PCDHA8: variants seen among roughly 807,000 people sequenced by gnomAD.
PCDHA8 encodes the protein protocadherin alpha 8.
PCDHA8 carries 53 observed loss-of-function variants against 61.8 expected under a neutral mutation model. The observed-to-expected ratio is 0.86, with a 90% CI of 0.69 to 1.08. The LOEUF is 1.08. Ranked by LOEUF, PCDHA8 falls within the 50% of genes least tolerant of loss-of-function variation. The probability of loss-of-function intolerance (pLI) is 0.00; values close to 1 mark genes in which losing one functional copy is unlikely to be tolerated. For missense variants in PCDHA8, 1,293 were observed against 1,245.0 expected (o/e 1.04, Z -0.58); for synonymous variants, 618 against 556.6 (o/e 1.11, Z -1.55).
At chr5:140,897,419 A>G (rs1329501260) in intron 1 of PCDHA8, among the ~76,000 whole-genome samples, 2 of 141,212 alleles carry the variant, frequency 1.4e-5, no homozygotes, top group East Asian at 4.3e-4. Flanking sequence ...ATTCCCATCT[A>G]TGAGTGAGAA....
At position 140,843,610 on chromosome 5, in the gene PCDHA8, G is replaced by A. The variant is rs1554140251; in HGVS notation, c.2289G>A (p.Gly763=). 2 of 1,595,980 alleles carry A rather than the reference G, an allele frequency of 1.3e-6. No individual in the cohort carries two copies. Among genetic ancestry groups the A allele is most frequent in the South Asian group, 1.1e-5 (1 of 90,502 alleles). Residue 763 remains glycine (G), a synonymous_variant, in exon 1 of 4, where the codon GGG becomes GGA. Coordinates refer to ENST00000531613, the MANE Select transcript of PCDHA8 (RefSeq NM_018911.3). Reference sequence around the variant, plus strand: ...CGCAGAGGGTGTGCTCTGGTGAGGGGCCACCGAAGACGGACCTCATGGCCT... The same window carrying A: ...CGCAGAGGGTGTGCTCTGGTGAGGGACCACCGAAGACGGACCTCATGGCCT... The part of the protein sequence containing the change: ...QQPQRVCSGE[G]PPKTDLMAFS...
intron 1 of PCDHA8, among the ~76,000 whole-genome samples, chr5:140,906,616 T>G (rs1339811951): frequency 6.6e-6 from 1 of 152,228 alleles, no homozygotes. Flanking sequence ...GTATTCCCTT[T>G]GCCTTCAGCA....
chr5:140,893,795 C>T (rs1030354295), intron 1 of PCDHA8, among the ~76,000 whole-genome samples: 34 of 152,002 alleles, frequency 2.2e-4, no homozygotes, highest in African/African-American at 7.7e-4. Context: ...TTAGAATTCC[C>T]TCCTTGTCTT....
chr5:140,980,873 T>C (rs1586863406), intron 2 of PCDHA8, among the ~76,000 whole-genome samples: 1 of 152,338 alleles, frequency 6.6e-6, no homozygotes, highest in East Asian at 1.9e-4. Context: ...TGCTTGGGTG[T>C]TCTCGGTCTT....
chr5:140,859,865 C>T (rs2046056665), intron 1 of PCDHA8: 1 of 151,972 alleles, frequency 6.6e-6, no homozygotes, highest in African/African-American at 2.4e-5. Context: ...GAAATATATA[C>T]TTCCCCCTCT....
At chr5:140,928,529 T>C in intron 1 of PCDHA8, 7 of 1,614,226 alleles carry the variant, frequency 4.3e-6, no homozygotes, top group Non-Finnish European at 4.2e-6. Flanking sequence ...TTGTTTGTGG[T>C]AGATAGGAAT....
At chr5:140,930,306 CAT>C (rs1554207728) in intron 1 of PCDHA8, 1 of 152,052 alleles carries the variant, frequency 6.6e-6, no homozygotes, top group East Asian at 1.9e-4. Context: ...AAGTAAATAT[CAT>C]ATTTGAGAGT....
At chr5:140,941,424 C>A (rs909959554) in intron 1 of PCDHA8, among the ~76,000 whole-genome samples, 2 of 148,790 alleles carry the variant, frequency 1.3e-5, no homozygotes, top group African/African-American at 5.0e-5. Flanking sequence ...TCAAGCAATT[C>A]TCTGCCTCAG....
At chr5:140,930,832 T>A (rs1375434055) in intron 1 of PCDHA8, among the ~76,000 whole-genome samples, 1 of 152,226 alleles carries the variant, frequency 6.6e-6, no homozygotes, top group East Asian at 1.9e-4. Flanking sequence ...GCTGACTGAA[T>A]GAATAAATAT....
chr5:140,862,575 G>T (rs1272278191), intron 1 of PCDHA8: 3 of 486,640 alleles, frequency 6.2e-6, no homozygotes, highest in Non-Finnish European at 1.3e-5. Context: ...ATGCCCTGGC[G>T]TTCCAGCAGC....
At chr5:140,895,340 A>G (rs964651163) in intron 1 of PCDHA8, among the ~76,000 whole-genome samples, 1 of 151,822 alleles carries the variant, frequency 6.6e-6, no homozygotes, top group African/African-American at 2.4e-5. Context: ...TTGTTTTACT[A>G]TGCTTTCCAG....
chr5:140,856,505 C>T (rs2150359235), intron 1 of PCDHA8: 1 of 1,598,456 alleles, frequency 6.3e-7, no homozygotes, highest in East Asian at 2.2e-5. Context: ...TCGATTTCCA[C>T]TAGAAGGCGC....
chr5:140,870,957 C>T, intron 1 of PCDHA8: 1 of 1,613,704 alleles, frequency 6.2e-7, no homozygotes, highest in Non-Finnish European at 8.5e-7. Context: ...GCGGCTCGCG[C>T]ATCCCGTTCC....
chr5:140,859,547 A>G (rs1185528654), intron 1 of PCDHA8: 1 of 181,734 alleles, frequency 5.5e-6, no homozygotes, highest in Non-Finnish European at 1.1e-5. Flanking sequence ...TTCTAGTGTT[A>G]CCAAACACCA....
chr5:140,841,746 T>G lies in PCDHA8; in HGVS notation c.425T>G (p.Val142Gly), dbSNP rs1562391326. 2 of 1,613,910 alleles carry G rather than the reference T, an allele frequency of 1.2e-6. No individual in the cohort carries two copies. Among genetic ancestry groups the G allele is most frequent in the Non-Finnish European group, 1.7e-6 (2 of 1,179,872 alleles). ...CGGGTAAAAGACCAAAAGCTGTTTG[T>G]TTCAGAATCCAGAATGCCAGACTCT... ...VFRVKDQKLF[V>G]SESRMPDSRF... Residue 142 changes from valine (V) to glycine (G), a missense_variant, in exon 1 of 4, where the codon GTT (valine) becomes GGT (glycine). Transcript: ENST00000531613.
intron 1 of PCDHA8, among the ~76,000 whole-genome samples, chr5:140,902,906 G>T (rs1047423029): frequency 9.2e-5 from 14 of 152,162 alleles, no homozygotes; most frequent in Admixed American, 3.3e-4. Context: ...TTAGTTTATG[G>T]CTGAGTAGTA....
chr5:140,920,137 T>C (rs182001221), intron 1 of PCDHA8, among the ~76,000 whole-genome samples: 29 of 152,242 alleles, frequency 1.9e-4, no homozygotes, highest in Admixed American at 1.8e-3. Flanking sequence ...TTAATTCTCC[T>C]CTCCAAACCT....
intron 1 of PCDHA8, chr5:140,857,310 A>C (rs781828328): frequency 6.3e-7 from 1 of 1,598,608 alleles, no homozygotes; most frequent in Admixed American, 1.7e-5. Flanking sequence ...TCGGCCTATG[A>C]GCTGGTGGTG....
chr5:140,861,903 A>G (rs115177043), intron 1 of PCDHA8: 3,607 of 155,014 alleles, frequency 0.023, 51 homozygotes, highest in Middle Eastern at 0.034. Flanking sequence ...AAAGCATTAT[A>G]TATCACAGCG....
Sources: gnomAD v4.1 joint callset for allele counts (sites outside exome capture counted in the v4.1 genomes callset) on GRCh38, gnomAD v4.1.1 for gene constraint, MANE v1.5 for transcripts, NCBI Gene and HGNC (gene_info 2026-07-23, HGNC 2026-07-21) for gene names.